Variants in ZBBX observed in about 807,000 individuals in gnomAD.
The protein encoded by ZBBX is zinc finger B-box domain-containing protein 1.
Under a neutral mutation model 108.5 loss-of-function variants are expected in ZBBX, and 101 were observed. That is an observed-to-expected ratio of 0.93 (90% confidence interval 0.79 to 1.10). The LOEUF is 1.10. Among genes scored for constraint, ZBBX ranks in the 50% least tolerant of loss-of-function variants. ZBBX has a pLI of 0.00. For synonymous variants in ZBBX, 356 were observed against 323.4 expected, an observed-to-expected ratio of 1.10 and a Z score of -1.08; for missense variants, 1,009 against 941.4, an observed-to-expected ratio of 1.07 and a Z score of -0.94.
chr3:167,298,717 CTCTT>C (rs1732093033), intron 17 of ZBBX, among the ~76,000 whole-genome samples: 1 of 151,928 alleles, frequency 6.6e-6, no homozygotes, highest in Admixed American at 6.6e-5. Context: ...AACTTTTTTT[CTCTT>C]TCTTCCTTTA....
chr3:167,253,024 G>C (rs554634494), intron 20 of ZBBX, among the ~76,000 whole-genome samples: 1 of 152,094 alleles, frequency 6.6e-6, no homozygotes, highest in Non-Finnish European at 1.5e-5. Context: ...ATTTATGTTT[G>C]ATTTTTAATA....
the ZBBX span, among the ~76,000 whole-genome samples, chr3:167,209,420 G>C: frequency 6.6e-6 from 1 of 152,054 alleles, no homozygotes; most frequent in Non-Finnish European, 1.5e-5. Flanking sequence ...GAGAAAGTTA[G>C]GGAAGAAAAT....
chr3:167,219,471 G>C, the ZBBX span, among the ~76,000 whole-genome samples: 1 of 151,896 alleles, frequency 6.6e-6, no homozygotes, highest in Non-Finnish European at 1.5e-5. Context: ...TCAATAACAA[G>C]AGGAATTTTG....
At chr3:167,399,804 C>T (rs1454254476) in intron 1 of ZBBX, among the ~76,000 whole-genome samples, 1 of 152,050 alleles carries the variant, frequency 6.6e-6, no homozygotes, top group Non-Finnish European at 1.5e-5. Context: ...TTAAACCTAT[C>T]ACCCAGGTAG....
At chr3:167,306,687 T>C (rs1733706831) in intron 16 of ZBBX, among the ~76,000 whole-genome samples, 1 of 152,182 alleles carries the variant, frequency 6.6e-6, no homozygotes, top group Admixed American at 6.5e-5. Context: ...CAGGTGATTA[T>C]AGTGGGTAAC....
intron 18 of ZBBX, among the ~76,000 whole-genome samples, chr3:167,296,984 G>T (rs1270532940): frequency 6.6e-6 from 1 of 151,950 alleles, no homozygotes; most frequent in East Asian, 1.9e-4. Flanking sequence ...TTATTACAAA[G>T]ATACTGTAAT....
At chr3:167,206,462 T>G in the ZBBX span, among the ~76,000 whole-genome samples, 3 of 152,004 alleles carry the variant, frequency 2.0e-5, no homozygotes, top group Non-Finnish European at 4.4e-5. Context: ...AACAGATATC[T>G]CTACAAAATG....
At chr3:167,331,816 CA>C (rs1228824076) in intron 10 of ZBBX, among the ~76,000 whole-genome samples, 2 of 152,124 alleles carry the variant, frequency 1.3e-5, no homozygotes, top group Admixed American at 6.5e-5. Flanking sequence ...AACAGAAGAG[CA>C]AAAAAGCTAA....
chr3:167,236,766 A>G (rs1289887434), downstream of ZBBX, among the ~76,000 whole-genome samples: 1 of 151,818 alleles, frequency 6.6e-6, no homozygotes, highest in African/African-American at 2.4e-5. Flanking sequence ...GTGACAATCA[A>G]TATGGAACAT....
Position 167,350,410 on chromosome 3 carries a change from A to G in ZBBX, c.528+10T>C, listed in dbSNP as rs1344611650. 17 of 1,571,640 alleles carry G rather than the reference A, an allele frequency of 1.1e-5. No homozygotes were observed. The highest frequency in any genetic ancestry group is 1.5e-5 in the Non-Finnish European group (17 of 1,157,208). On this transcript the variant is annotated intron_variant, in intron 9 of 21. Coordinates refer to ENST00000675490, the MANE Select transcript of ZBBX (RefSeq NM_001199201.2). The stretch of plus-strand genomic sequence containing the variant: ...ACACACTACAAGTAAATCATTTTAG[A>G]AAGCCATACCTGCAAAAGAGTTGTT...
intron 13 of ZBBX, 101 bp from the exon 14 acceptor site, chr3:167,317,206 G>A (rs1348779431): frequency 2.7e-6 from 2 of 745,746 alleles, no homozygotes; most frequent in East Asian, 2.9e-5. Context: ...GTTCTCATGT[G>A]TATCTACACA....
chr3:167,402,035 G>A (rs1209009713), intron 1 of ZBBX, among the ~76,000 whole-genome samples: 1 of 152,106 alleles, frequency 6.6e-6, no homozygotes, highest in Non-Finnish European at 1.5e-5. Flanking sequence ...TCAAGACCCA[G>A]GACTTTACTG....
At chr3:167,348,368 G>GAAAGAAAGA (rs1431515037) in intron 9 of ZBBX, among the ~76,000 whole-genome samples, 1 of 111,658 alleles carries the variant, frequency 9.0e-6, no homozygotes, top group Non-Finnish European at 1.9e-5. Flanking sequence ...AAGAAAGAAA[G>GAAAGAAAGA]AAAAAAAAGA....
chr3:167,329,745 G>T (rs1459470925), intron 10 of ZBBX, among the ~76,000 whole-genome samples: 1 of 152,046 alleles, frequency 6.6e-6, no homozygotes, highest in African/African-American at 2.4e-5. Flanking sequence ...AAATATAAAG[G>T]GTAGAAAGGA....
At chr3:167,208,273 G>A in the ZBBX span, among the ~76,000 whole-genome samples, 1 of 152,208 alleles carries the variant, frequency 6.6e-6, no homozygotes, top group Non-Finnish European at 1.5e-5. Context: ...TCCTGGTGCT[G>A]TGTTAAGCTC....
chr3:167,223,650 T>C, the ZBBX span, among the ~76,000 whole-genome samples: 1 of 151,946 alleles, frequency 6.6e-6, no homozygotes, highest in Admixed American at 6.6e-5. Context: ...GTCGGAAGTA[T>C]GATTAATGAA....
At chr3:167,285,599 A>C (rs1203936999) in intron 19 of ZBBX, among the ~76,000 whole-genome samples, 1 of 152,202 alleles carries the variant, frequency 6.6e-6, no homozygotes, top group Non-Finnish European at 1.5e-5. Context: ...ATTAGAAAAC[A>C]GCTTATGACC....
At chr3:167,218,210 T>C in the ZBBX span, among the ~76,000 whole-genome samples, 1 of 152,238 alleles carries the variant, frequency 6.6e-6, no homozygotes, top group East Asian at 1.9e-4. Context: ...CCCCATGACA[T>C]GTGTTTATCT....
At chr3:167,311,994 G>A (rs529228099) in intron 16 of ZBBX, among the ~76,000 whole-genome samples, 54 of 152,284 alleles carry the variant, frequency 3.5e-4, no homozygotes, top group African/African-American at 1.3e-3. Flanking sequence ...AATATTTATA[G>A]TAGTTTTGTT....
Sources: allele counts gnomAD v4.1 joint callset (sites outside exome capture counted in the v4.1 genomes callset), GRCh38; gene constraint gnomAD v4.1.1; transcripts MANE v1.5; gene names NCBI Gene and HGNC (gene_info 2026-07-23, HGNC 2026-07-21).